Variants in ASB4 observed in about 807,000 individuals in gnomAD.
ASB4 encodes ankyrin repeat and SOCS box containing 4, also known as ankyrin repeat and SOCS box protein 4.
A neutral mutation model predicts 38.6 loss-of-function variants in ASB4; 35 were observed. That is an observed-to-expected ratio of 0.91 (90% CI 0.69 to 1.20). The LOEUF (loss-of-function observed/expected upper bound fraction) is 1.20. Among genes scored for constraint, ASB4 ranks in the 50% most tolerant of loss-of-function variants. The pLI, the probability that ASB4 is intolerant of heterozygous loss-of-function variation, is 0.00. For synonymous variants in ASB4, 195 were observed against 201.3 expected (o/e 0.97, Z 0.26); for missense variants, 557 against 527.2 (o/e 1.06, Z -0.55).
chr7:95,549,683 T>G, the ASB4 span, among the ~76,000 whole-genome samples: 1 of 152,172 alleles, frequency 6.6e-6, no homozygotes, highest in Non-Finnish European at 1.5e-5. Context: ...TAAGATACTC[T>G]AAAATATTTT....
chr7:95,531,708 T>C (rs772127056), intron 3 of ASB4, among the ~76,000 whole-genome samples: 2 of 152,168 alleles, frequency 1.3e-5, no homozygotes, highest in Non-Finnish European at 2.9e-5. Context: ...AGACTAAATG[T>C]TGACTTGTAT....
At chr7:95,502,820 T>C (rs1790360102) in intron 2 of ASB4, among the ~76,000 whole-genome samples, 1 of 152,214 alleles carries the variant, frequency 6.6e-6, no homozygotes, top group South Asian at 2.1e-4. Flanking sequence ...ATAGGCACTT[T>C]TAATTTTTAA....
intron 2 of ASB4, among the ~76,000 whole-genome samples, chr7:95,521,267 C>A (rs1388042991): frequency 6.6e-6 from 1 of 152,024 alleles, no homozygotes; most frequent in East Asian, 1.9e-4. Context: ...AAAAGCCCAA[C>A]CCAATGAAAA....
chr7:95,534,251 G>A (rs548539864), intron 3 of ASB4, among the ~76,000 whole-genome samples: 5 of 152,116 alleles, frequency 3.3e-5, no homozygotes, highest in Admixed American at 3.3e-4. Context: ...GGTGAGGCAG[G>A]AGAATCGCTT....
intron 2 of ASB4, among the ~76,000 whole-genome samples, chr7:95,525,951 T>TGGCTTTCTCAAATATGTTCCATATGATCA (rs1790730967): frequency 6.6e-6 from 1 of 152,230 alleles, no homozygotes. Flanking sequence ...GTAGGAGTTT[T>TGGCTTTCTCAAATATGTTCCATATGATCA]GGCTTTCTCA....
intron 2 of ASB4, among the ~76,000 whole-genome samples, chr7:95,519,716 C>A (rs1790633579): frequency 6.6e-6 from 1 of 152,132 alleles, no homozygotes; most frequent in African/African-American, 2.4e-5. Flanking sequence ...TCTTTCTGAC[C>A]TGTCTTAATA....
chr7:95,515,167 C>CTCTTTCTTTTTCTT, intron 2 of ASB4, among the ~76,000 whole-genome samples: 1 of 89,806 alleles, frequency 1.1e-5, no homozygotes, highest in African/African-American at 4.3e-5. Context: ...CTTTCTCTTT[C>CTCTTTCTTTTTCTT]TCTTTCTTTC....
At chr7:95,536,581 C>G in intron 4 of ASB4, 31 bp downstream of exon 4, 1 of 1,501,266 alleles carries the variant, frequency 6.7e-7, no homozygotes, top group South Asian at 1.1e-5. Context: ...TAATAGTTTT[C>G]ACTATCAAGT....
rs1790771391 is a variant in ASB4, at chr7:95,528,222, C to T, written c.897C>T (p.Arg299=). The T allele has an allele frequency of 1.2e-6, 2 of 1,614,174 alleles. No homozygotes were observed. Among genetic ancestry groups the T allele is most frequent in the Non-Finnish European group, 1.7e-6 (2 of 1,180,026 alleles). The change falls in exon 3 of 5, where the codon CGC becomes CGT. Residue 299 remains arginine (R), a synonymous_variant. Transcript: ENST00000325885. ...IQYVLKVTSV[R]PAAQPEICYQ... is the part of the protein sequence containing the mutation. ...ACGTGCTGAAGGTCACCTCCGTGCG[C>T]CCTGCTGCCCAGCCTGAGATCTGCT... is the stretch of plus-strand genomic sequence containing the variant.
intron 2 of ASB4, 57 bp downstream of exon 2, chr7:95,496,114 A>G (rs1423092754): frequency 6.6e-7 from 1 of 1,506,794 alleles, no homozygotes; most frequent in Admixed American, 1.7e-5. Flanking sequence ...TGGTTTCAAG[A>G]CTTTGTGACC....
At chr7:95,496,107 T>TCACAAAGTCTTGAAACCA in intron 2 of ASB4, 50 bp downstream of exon 2, 1 of 1,544,816 alleles carries the variant, frequency 6.5e-7, no homozygotes, top group Non-Finnish European at 8.8e-7. Context: ...ACACTCATGG[T>TCACAAAGTCTTGAAACCA]TTCAAGACTT....
chr7:95,548,771 T>G, the ASB4 span, among the ~76,000 whole-genome samples: 3 of 152,258 alleles, frequency 2.0e-5, no homozygotes, highest in Non-Finnish European at 4.4e-5. Flanking sequence ...GCATTAACTG[T>G]GTTGCTTCAT....
At chr7:95,526,396 C>T (rs1790737117) in intron 2 of ASB4, among the ~76,000 whole-genome samples, 1 of 152,214 alleles carries the variant, frequency 6.6e-6, no homozygotes, top group Non-Finnish European at 1.5e-5. Flanking sequence ...CAGTTGCACC[C>T]TGCCTCTACA....
At chr7:95,549,301 A>ATTTTTTT in the ASB4 span, among the ~76,000 whole-genome samples, 2 of 114,850 alleles carry the variant, frequency 1.7e-5, no homozygotes, top group African/African-American at 3.7e-5. Context: ...AGGAGACTCC[A>ATTTTTTT]TTTTTTTTTT....
At chr7:95,502,542 A>T (rs932417404) in intron 2 of ASB4, among the ~76,000 whole-genome samples, 9 of 152,154 alleles carry the variant, frequency 5.9e-5, no homozygotes, top group Non-Finnish European at 1.3e-4. Flanking sequence ...CAGACTTTAG[A>T]TGTTATCTCT....
At chr7:95,478,836 A>G (rs1158777981) in intron 1 of ASB4, among the ~76,000 whole-genome samples, 1 of 152,210 alleles carries the variant, frequency 6.6e-6, no homozygotes, top group Non-Finnish European at 1.5e-5. Flanking sequence ...AACAGATTTT[A>G]TGTTAAACAC....
At chr7:95,481,991 G>T (rs1402238681), upstream of ASB4, among the ~76,000 whole-genome samples, 1 of 152,220 alleles carries the variant, frequency 6.6e-6, no homozygotes, top group South Asian at 2.1e-4. Context: ...GAGGTGAGTT[G>T]AAGCGGTGGC....
chr7:95,519,191 G>GA (rs1790626022), intron 2 of ASB4, among the ~76,000 whole-genome samples: 1 of 152,074 alleles, frequency 6.6e-6, no homozygotes, highest in Admixed American at 6.5e-5. Flanking sequence ...ATTGAAACTA[G>GA]AAAAAAGCAA....
upstream of ASB4, among the ~76,000 whole-genome samples, chr7:95,481,743 G>T (rs1254420248): frequency 1.3e-5 from 2 of 152,140 alleles, no homozygotes; most frequent in African/African-American, 4.8e-5. Context: ...CTCAGCCATG[G>T]GTCCCCAGAG....
Sources: allele counts gnomAD v4.1 joint callset (sites outside exome capture counted in the v4.1 genomes callset), GRCh38; gene constraint gnomAD v4.1.1; transcripts MANE v1.5; gene names NCBI Gene and HGNC (gene_info 2026-07-23, HGNC 2026-07-21).